LRBA: variants seen among roughly 807,000 people sequenced by gnomAD.
LRBA encodes the protein lipopolysaccharide-responsive and beige-like anchor protein.
In LRBA, 176 loss-of-function variants were observed where a neutral mutation model predicts 330.0. The ratio of observed to expected loss-of-function variants is 0.53; its 90% CI spans 0.47 to 0.60. LRBA has a LOEUF of 0.60. LRBA is among the 20% of genes least tolerant of loss of function. LRBA has a pLI of 0.00. For missense variants in LRBA, 3,259 were observed against 3,444.8 expected (o/e 0.95, Z 1.35); for synonymous variants, 1,230 against 1,193.0 (o/e 1.03, Z -0.64).
chr4:150,666,578 T>C (rs961094214), intron 37 of LRBA, among the ~76,000 whole-genome samples: 2 of 152,092 alleles, frequency 1.3e-5, no homozygotes, highest in Admixed American at 1.3e-4. Flanking sequence ...AGCATGAACA[T>C]TGTATTCAGT....
intron 37 of LRBA, among the ~76,000 whole-genome samples, chr4:150,607,684 T>C (rs910222424): frequency 3.2e-4 from 48 of 151,862 alleles, no homozygotes; most frequent in Non-Finnish European, 1.3e-4. Context: ...GGTGGATCAC[T>C]TGAGCCGTGG....
intron 35 of LRBA, among the ~76,000 whole-genome samples, chr4:150,746,751 C>G (rs1190313453): frequency 6.6e-6 from 1 of 152,024 alleles, no homozygotes; most frequent in Admixed American, 6.6e-5. Context: ...ACCTTGTGAT[C>G]CGCCCACCTC....
chr4:150,326,711 G>C (rs1475441910), intron 48 of LRBA, among the ~76,000 whole-genome samples: 3 of 152,118 alleles, frequency 2.0e-5, no homozygotes, highest in African/African-American at 7.2e-5. Flanking sequence ...CATGAAAGCA[G>C]GACCTTATGT....
chr4:150,983,011 T>C (rs1002329514), intron 2 of LRBA, among the ~76,000 whole-genome samples: 3 of 152,026 alleles, frequency 2.0e-5, no homozygotes, highest in Non-Finnish European at 2.9e-5. Context: ...GCCCAGGAGG[T>C]CAAGGTTGCA....
At chr4:150,542,227 T>G (rs1247054942) in intron 40 of LRBA, among the ~76,000 whole-genome samples, 1 of 152,174 alleles carries the variant, frequency 6.6e-6, no homozygotes, top group Admixed American at 6.5e-5. Context: ...GCAGGCAGTA[T>G]AACCAATGGG....
At chr4:150,751,506 C>T (rs967139324) in intron 35 of LRBA, among the ~76,000 whole-genome samples, 1 of 151,848 alleles carries the variant, frequency 6.6e-6, no homozygotes, top group Non-Finnish European at 1.5e-5. Flanking sequence ...ATGCAAATTA[C>T]ACAATATTTA....
chr4:150,929,653 G>A (rs994381973), intron 2 of LRBA, among the ~76,000 whole-genome samples: 21 of 152,082 alleles, frequency 1.4e-4, no homozygotes, highest in Non-Finnish European at 2.4e-4. Flanking sequence ...CTATCAGAAC[G>A]CTATAGCTAT....
At chr4:150,962,557 A>G (rs1432567714) in intron 2 of LRBA, among the ~76,000 whole-genome samples, 1 of 149,238 alleles carries the variant, frequency 6.7e-6, no homozygotes, top group Non-Finnish European at 1.5e-5. Context: ...ACAGGAAAGC[A>G]TAGAACTTTA....
chr4:150,844,058 G>T, intron 28 of LRBA, 42 bp downstream of exon 28: 3 of 1,173,380 alleles, frequency 2.6e-6, no homozygotes, highest in Non-Finnish European at 2.5e-6. Context: ...GAGGAAATAT[G>T]CATCAGTTAA....
At chr4:150,362,113 T>G (rs1738790837) in intron 47 of LRBA, among the ~76,000 whole-genome samples, 1 of 152,110 alleles carries the variant, frequency 6.6e-6, no homozygotes, top group Admixed American at 6.6e-5. Flanking sequence ...TAACTCAAAA[T>G]TAATATATCA....
intron 44 of LRBA, among the ~76,000 whole-genome samples, chr4:150,443,853 A>AAATATATATATATATATATATAT (rs70941406): frequency 1.3e-5 from 1 of 75,470 alleles, no homozygotes; most frequent in Non-Finnish European, 3.0e-5. Context: ...TAATTAAAAA[A>AAATATATATATATATATATATAT]ATATATATAT....
At chr4:150,704,581 A>G (rs1785434967) in intron 36 of LRBA, among the ~76,000 whole-genome samples, 1 of 152,138 alleles carries the variant, frequency 6.6e-6, no homozygotes, top group African/African-American at 2.4e-5. Context: ...AATAGTGCCA[A>G]TAACAATAGA....
At chr4:150,566,946 A>C (rs1769206482) in intron 40 of LRBA, among the ~76,000 whole-genome samples, 2 of 152,132 alleles carry the variant, frequency 1.3e-5, no homozygotes, top group Non-Finnish European at 1.5e-5. Context: ...GTTTTGTATA[A>C]AGACTCATTA....
chr4:150,572,671 G>A (rs1334134733), intron 40 of LRBA, among the ~76,000 whole-genome samples: 1 of 152,082 alleles, frequency 6.6e-6, no homozygotes, highest in African/African-American at 2.4e-5. Flanking sequence ...AAGTAAGGAA[G>A]TTTAGCTCTG....
rs185033349 is a variant in LRBA, at chr4:150,560,877, T to C, written c.6330+27171A>G. Reference sequence around the variant, plus strand: ...GGCACATGTCTGTAATCCCAGCCACTCGGCAGGCTGAGGCAGGAGAATCAC... The same window carrying C: ...GGCACATGTCTGTAATCCCAGCCACCCGGCAGGCTGAGGCAGGAGAATCAC... On this transcript the variant is annotated intron_variant, in intron 40 of 56. Coordinates refer to ENST00000651943, the MANE Select transcript of LRBA (RefSeq NM_001364905.1). Among the ~76,000 whole-genome samples the C allele has an allele frequency of 3.7e-3, 558 of 152,044 alleles. 3 individuals are homozygous for C. The highest frequency in any genetic ancestry group is 6.7e-3 in the Non-Finnish European group (458 of 67,978).
chr4:150,418,331 C>T (rs1748085194), intron 46 of LRBA, among the ~76,000 whole-genome samples: 1 of 152,082 alleles, frequency 6.6e-6, no homozygotes, highest in Admixed American at 6.6e-5. Context: ...TATTATGTTA[C>T]TTTAATATTG....
intron 34 of LRBA, among the ~76,000 whole-genome samples, chr4:150,796,749 G>T (rs756941720): frequency 6.6e-6 from 1 of 151,844 alleles, no homozygotes; most frequent in Non-Finnish European, 1.5e-5. Context: ...ATTCACCTAT[G>T]AAATAATTAT....
At chr4:150,699,982 C>G (rs1006194158) in intron 36 of LRBA, among the ~76,000 whole-genome samples, 3 of 152,042 alleles carry the variant, frequency 2.0e-5, no homozygotes, top group African/African-American at 7.2e-5. Flanking sequence ...TTTTGAGCAC[C>G]AACATGACCC....
chr4:150,303,979 G>T (rs1306664230), intron 52 of LRBA, among the ~76,000 whole-genome samples: 1 of 152,158 alleles, frequency 6.6e-6, no homozygotes. Flanking sequence ...TCCATCTTTA[G>T]AATTTCTAGC....
Sources: allele counts gnomAD v4.1 joint callset (sites outside exome capture counted in the v4.1 genomes callset), GRCh38; gene constraint gnomAD v4.1.1; transcripts MANE v1.5; gene names NCBI Gene and HGNC (gene_info 2026-07-23, HGNC 2026-07-21).